Variants in CAMK2B observed in about 807,000 individuals in gnomAD.
CAMK2B encodes the protein calcium/calmodulin-dependent protein kinase type II subunit beta.
Under a neutral mutation model 93.7 loss-of-function variants are expected in CAMK2B, and 27 were observed. The ratio of observed to expected loss-of-function variants is 0.29; its 90% confidence interval spans 0.21 to 0.40. The LOEUF is 0.40. Ranked by LOEUF, CAMK2B falls within the 10% of genes least tolerant of loss-of-function variation. The pLI is 1.00. For synonymous variants in CAMK2B, 374 were observed against 358.8 expected (o/e 1.04, Z -0.48); for missense variants, 568 against 895.8 (o/e 0.63, Z 4.67).
In CAMK2B at chr7:44,228,128, G is replaced by T. The variant is rs550949630; in HGVS notation, c.1468+668C>A. On this transcript the variant is annotated intron_variant, in intron 19 of 23. Coordinates refer to ENST00000395749, the MANE Select transcript of CAMK2B (RefSeq NM_001220.5). ...CTGCTGGCCAGCAAGAAGCTGTCAG[G>T]TAAGTGGCCCTTGAGGAACGCTGGA... Among the ~76,000 whole-genome samples, 3 of 152,054 alleles carry T rather than the reference G, an allele frequency of 2.0e-5. No homozygotes were observed. The South Asian group carries it at 6.2e-4, about 32-fold the overall frequency.
intron 2 of CAMK2B, among the ~76,000 whole-genome samples, chr7:44,269,663 G>A (rs2096954780): frequency 6.6e-6 from 1 of 152,190 alleles, no homozygotes; most frequent in Admixed American, 6.5e-5. Flanking sequence ...GGCACCTCCA[G>A]GAGGACACTG....
At chr7:44,234,349 C>T (rs1187016792) in intron 15 of CAMK2B, 41 bp downstream of exon 15, 8 of 1,464,808 alleles carry the variant, frequency 5.5e-6, no homozygotes, top group African/African-American at 2.8e-5. Flanking sequence ...CAGCCAGGGG[C>T]GTAGGAGGGG....
intron 1 of CAMK2B, among the ~76,000 whole-genome samples, chr7:44,293,311 C>T (rs1000527349): frequency 6.6e-6 from 1 of 152,232 alleles, no homozygotes; most frequent in African/African-American, 2.4e-5. Context: ...ATGAGCAGAG[C>T]ACAGGCCATT....
At chr7:44,306,051 G>A (rs190608034) in intron 1 of CAMK2B, among the ~76,000 whole-genome samples, 33 of 152,280 alleles carry the variant, frequency 2.2e-4, no homozygotes, top group African/African-American at 7.7e-4. Context: ...CCAGAGGGAG[G>A]GGGGTTGAGG....
chr7:44,253,212 T>C (rs898914317), intron 5 of CAMK2B, among the ~76,000 whole-genome samples: 3 of 151,780 alleles, frequency 2.0e-5, no homozygotes, highest in Non-Finnish European at 4.4e-5. Flanking sequence ...TTTTTTTTTT[T>C]TGGTTTTTTT....
At position 44,226,567 on chromosome 7, in the gene CAMK2B, C is replaced by A; in HGVS notation, c.1546G>T (p.Gly516Trp). 6.8e-7 allele frequency: 1 copy of A among 1,474,730 alleles called. No individual in the cohort carries two copies. The highest frequency in any genetic ancestry group is 8.9e-7 in the Non-Finnish European group (1 of 1,120,888). 91.4% of individuals were successfully genotyped at this position (1,474,730 alleles called of 1,614,324 possible). A position where few individuals can be genotyped will look rare whatever the true frequency, so the allele number is the denominator to read the frequency against. ...TPEAEGPSPV[G>W]PPPCPSPTIP... is the part of the protein sequence containing the mutation. ...GTCGGAGATGGGCAGGGCGGGGGCCCCACTGGCGAGGGGCCCTCGGCTTCT... is the reference window on the plus strand; with the variant it reads ...GTCGGAGATGGGCAGGGCGGGGGCCACACTGGCGAGGGGCCCTCGGCTTCT... Residue 516 changes from glycine to tryptophan, a missense_variant, in exon 20 of 24, where the codon GGG (glycine) becomes TGG (tryptophan). Gly to Trp is a radical substitution (Grantham distance 184). Coordinates refer to ENST00000395749, the MANE Select transcript of CAMK2B (RefSeq NM_001220.5).
At chr7:44,232,701 G>A in intron 16 of CAMK2B, 121 bp downstream of exon 16, 1 of 819,904 alleles carries the variant, frequency 1.2e-6, no homozygotes, top group Non-Finnish European at 1.9e-6. Flanking sequence ...GTACTGCGGG[G>A]AGGGGCGGCC....
At chr7:44,289,868 G>A (rs1016479013) in intron 1 of CAMK2B, among the ~76,000 whole-genome samples, 9 of 152,322 alleles carry the variant, frequency 5.9e-5, no homozygotes, top group South Asian at 4.1e-4. Flanking sequence ...CTTGGATTCC[G>A]TTCCCTTAGT....
chr7:44,301,251 T>C (rs75408870), intron 1 of CAMK2B, among the ~76,000 whole-genome samples: 13,569 of 152,126 alleles, frequency 0.089, 819 homozygotes, highest in Non-Finnish European at 0.12. Context: ...CCTCAGCCTC[T>C]TGAGTAGAAA....
At chr7:44,304,956 TA>T (rs1329651820) in intron 1 of CAMK2B, among the ~76,000 whole-genome samples, 1 of 152,156 alleles carries the variant, frequency 6.6e-6, no homozygotes, top group Non-Finnish European at 1.5e-5. Flanking sequence ...ATTGTATCTT[TA>T]AAACACCAGG....
At chr7:44,263,838 G>A (rs956969314) in intron 2 of CAMK2B, 1 of 154,290 alleles carries the variant, frequency 6.5e-6, no homozygotes, top group African/African-American at 2.4e-5. Flanking sequence ...AGTCACACAG[G>A]GTCCCATACT....
chr7:44,240,230 C>G (rs559921568), intron 12 of CAMK2B, among the ~76,000 whole-genome samples: 2 of 152,296 alleles, frequency 1.3e-5, no homozygotes, highest in South Asian at 4.1e-4. Context: ...GAACTTGCTT[C>G]CCAACCACCC....
chr7:44,222,505 G>A (rs777569237), intron 20 of CAMK2B, among the ~76,000 whole-genome samples: 7 of 151,796 alleles, frequency 4.6e-5, no homozygotes, highest in Admixed American at 6.6e-5. Context: ...ACATGATCTC[G>A]GCTCACTGCA....
chr7:44,249,713 G>A (rs570198291), intron 5 of CAMK2B, among the ~76,000 whole-genome samples: 4 of 152,300 alleles, frequency 2.6e-5, no homozygotes, highest in East Asian at 1.9e-4. Context: ...GGCCTGCACC[G>A]CATGCACCTC....
intron 13 of CAMK2B, 109 bp downstream of exon 13, chr7:44,239,480 C>T (rs986722334): frequency 2.8e-4 from 275 of 985,710 alleles, no homozygotes; most frequent in Non-Finnish European, 3.6e-4. Flanking sequence ...GGCCTGGCGG[C>T]CTCTGGGGCG....
At chr7:44,305,216 G>T (rs1297985091) in intron 1 of CAMK2B, among the ~76,000 whole-genome samples, 1 of 152,154 alleles carries the variant, frequency 6.6e-6, no homozygotes, top group Non-Finnish European at 1.5e-5. Flanking sequence ...AGGGCTCTCA[G>T]GCCACAGTGA....
chr7:44,305,796 G>A (rs1791314120), intron 1 of CAMK2B, among the ~76,000 whole-genome samples: 1 of 152,222 alleles, frequency 6.6e-6, no homozygotes, highest in Admixed American at 6.5e-5. Context: ...CAAGGCAGAG[G>A]CAGTGGGTGT....
At chr7:44,241,539 C>T (rs1002872016) in intron 11 of CAMK2B, among the ~76,000 whole-genome samples, 161 bp downstream of exon 11, 2 of 152,182 alleles carry the variant, frequency 1.3e-5, no homozygotes. Flanking sequence ...CCAAGCTGGC[C>T]TGAGTTCACC....
At chr7:44,240,814 G>C (rs2096671116) in intron 11 of CAMK2B, 65 bp from the exon 12 acceptor site, 1 of 1,540,252 alleles carries the variant, frequency 6.5e-7, no homozygotes, top group African/African-American at 1.4e-5. Context: ...TTCTGGCCAG[G>C]ATAAGACCCC....
Sources: allele counts gnomAD v4.1 joint callset (sites outside exome capture counted in the v4.1 genomes callset), GRCh38; gene constraint gnomAD v4.1.1; transcripts MANE v1.5; gene names NCBI Gene and HGNC (gene_info 2026-07-23, HGNC 2026-07-21).